The following TPX2 variants were observed in gnomAD, a reference collection of about 807,000 sequenced individuals.
TPX2 encodes the protein TPX2 microtubule nucleation factor, also known as targeting protein for Xklp2.
In TPX2, 21 loss-of-function variants were observed where a neutral mutation model predicts 93.6. The ratio of observed to expected loss-of-function variants is 0.22; its 90% CI spans 0.16 to 0.32. The LOEUF is 0.32. TPX2 is among the 10% of genes least tolerant of loss of function. The pLI is 1.00. For missense variants in TPX2, 776 were observed against 871.1 expected (o/e 0.89, Z 1.37); for synonymous variants, 281 against 298.3 (o/e 0.94, Z 0.60).
At chr20:31,782,114 TA>T in intron 10 of TPX2, 134 bp from the exon 11 acceptor site, 1 of 1,161,470 alleles carries the variant, frequency 8.6e-7, no homozygotes, top group Non-Finnish European at 1.2e-6. Context: ...TTGACCAATG[TA>T]AGCTGAGCTG....
At chr20:31,774,290 C>G (rs1285502221) in intron 7 of TPX2, among the ~76,000 whole-genome samples, 1 of 152,174 alleles carries the variant, frequency 6.6e-6, no homozygotes, top group Non-Finnish European at 1.5e-5. Context: ...CGTCATCTCC[C>G]CATTTCCCCC....
chr20:31,789,742 G>A (rs1363036775), intron 12 of TPX2, among the ~76,000 whole-genome samples: 1 of 152,114 alleles, frequency 6.6e-6, no homozygotes, highest in East Asian at 1.9e-4. Context: ...CTGCAAAGAT[G>A]ATTTTCATAA....
intron 8 of TPX2, among the ~76,000 whole-genome samples, chr20:31,776,981 G>A (rs768006055): frequency 3.3e-5 from 5 of 152,182 alleles, no homozygotes; most frequent in Non-Finnish European, 7.3e-5. Context: ...CAATTCACCT[G>A]TGGAGGAAAA....
At chr20:31,766,829 T>TTCG (rs2061930586) in intron 5 of TPX2, 147 bp downstream of exon 5, 5 of 910,028 alleles carry the variant, frequency 5.5e-6, no homozygotes, top group Non-Finnish European at 4.5e-6. Flanking sequence ...GACGGAGTGT[T>TTCG]TCGCTCTTTT....
chr20:31,741,472 C>T (rs147200718), intron 1 of TPX2, among the ~76,000 whole-genome samples: 12 of 140,574 alleles, frequency 8.5e-5, no homozygotes, highest in East Asian at 6.2e-4. Context: ...CCACCACACC[C>T]GGCTAATTTT....
chr20:31,797,384 A>G lies in TPX2; in HGVS notation c.1834-20A>G, dbSNP rs2062144977. On this transcript the variant is annotated intron_variant, in intron 15 of 17. Transcript: ENST00000300403. ...AGAAAGGTGAGACATTGCTCATCTG[A>G]CTGACTTTCTCTCTAATAGCTGGAA... The G allele has an allele frequency of 6.2e-7, 1 of 1,612,700 alleles. No individual in the cohort carries two copies. The highest frequency in any genetic ancestry group is 8.5e-7 in the Non-Finnish European group (1 of 1,178,940).
chr20:31,761,805 T>C (rs1034693532), intron 4 of TPX2, among the ~76,000 whole-genome samples: 2 of 152,192 alleles, frequency 1.3e-5, no homozygotes, highest in Non-Finnish European at 1.5e-5. Flanking sequence ...GGTAATTATA[T>C]TTTTAATTTT....
intron 2 of TPX2, among the ~76,000 whole-genome samples, chr20:31,749,695 T>C (rs2061806854): frequency 6.6e-6 from 1 of 151,726 alleles, no homozygotes; most frequent in South Asian, 2.1e-4. Flanking sequence ...CTCAGGAGGC[T>C]GAGGCAGGAG....
rs564684919 is a variant in TPX2 at position 31,795,480 on chromosome 20, A to G, written c.1833+932A>G. On this transcript the variant is annotated intron_variant, in intron 15 of 17. Transcript: ENST00000300403. ...CCATTCTTAGCTCAAGCGCTGTCCTAAAACAGGTTGCAAGCTGGATTTGGC... is the reference window on the plus strand; with the variant it reads ...CCATTCTTAGCTCAAGCGCTGTCCTGAAACAGGTTGCAAGCTGGATTTGGC... Among the ~76,000 whole-genome samples the G allele has an allele frequency of 2.6e-5, 4 of 152,384 alleles. No individual in the cohort carries two copies. The South Asian group carries it at 8.3e-4, about 32-fold the overall frequency.
At chr20:31,776,290 C>T (rs957756606) in intron 8 of TPX2, among the ~76,000 whole-genome samples, 1 of 151,460 alleles carries the variant, frequency 6.6e-6, no homozygotes, top group African/African-American at 2.4e-5. Context: ...CCTTGTTAGC[C>T]AGGATGGTCT....
chr20:31,801,078 T>C lies in TPX2; in HGVS notation c.2242T>C (p.Ter748GlnextTer4), dbSNP rs571448654. 1.2e-6 allele frequency: 2 copies of C among 1,613,978 alleles called. No homozygotes were observed. Among genetic ancestry groups the C allele is most frequent in the South Asian group, 1.1e-5 (1 of 91,084 alleles). ...SPKFSTRFHC[*>Q] ...CAAATTCTCCACTCGATTCCACTGC[T>C]AAACTCAGCTGTGAGCTGCGGATAC... The change falls in exon 18 of 18, where the codon TAA (stop) becomes CAA (glutamine). Residue 748 changes from the stop codon to glutamine (Q), a stop_lost. Coordinates refer to ENST00000300403, the MANE Select transcript of TPX2 (RefSeq NM_012112.5).
chr20:31,782,207 G>C (rs556712917), intron 10 of TPX2, 42 bp from the exon 11 acceptor site: 3 of 1,573,454 alleles, frequency 1.9e-6, no homozygotes, highest in East Asian at 2.3e-5. Flanking sequence ...AGTAAACTGG[G>C]TCTTGCGGAT....
chr20:31,774,319 A>C (rs1051252071), intron 7 of TPX2, among the ~76,000 whole-genome samples: 1 of 152,106 alleles, frequency 6.6e-6, no homozygotes, highest in African/African-American at 2.4e-5. Context: ...GCATCAAATT[A>C]TTTTAATTTT....
chr20:31,746,966 C>T (rs547821711), intron 2 of TPX2, among the ~76,000 whole-genome samples: 1 of 152,276 alleles, frequency 6.6e-6, no homozygotes, highest in East Asian at 1.9e-4. Flanking sequence ...GTATTTTTTA[C>T]ATCAGGAAAC....
chr20:31,769,959 G>A (rs1467819962), intron 5 of TPX2, among the ~76,000 whole-genome samples: 2 of 152,040 alleles, frequency 1.3e-5, no homozygotes, highest in East Asian at 1.9e-4. Context: ...CAGCACGTAG[G>A]GCTAATTTTT....
At chr20:31,796,473 A>G (rs1296497944) in intron 15 of TPX2, among the ~76,000 whole-genome samples, 1 of 152,240 alleles carries the variant, frequency 6.6e-6, no homozygotes, top group Non-Finnish European at 1.5e-5. Flanking sequence ...ATATCCATAT[A>G]TAGTCTACAT....
In TPX2 at chr20:31,752,836, A is replaced by G. The variant is rs560202294; in HGVS notation, c.-70-4571A>G. 2.0e-5 allele frequency among the ~76,000 whole-genome samples: 3 copies of G among 152,142 alleles called. No homozygotes were observed. The East Asian group carries it at 5.8e-4, about 29-fold the overall frequency. On this transcript the variant is annotated intron_variant, in intron 2 of 17. Coordinates refer to ENST00000300403, the MANE Select transcript of TPX2 (RefSeq NM_012112.5). ...TCACCATGTTAGCCAGGATGGTCTC[A>G]ATCTCCTCACCCTGTGATCCACCTG...
In TPX2 at chr20:31,766,574, A is replaced by G; in HGVS notation, c.248A>G (p.Lys83Arg). 6.2e-7 allele frequency: 1 copy of G among 1,612,860 alleles called. No individual in the cohort carries two copies. Among genetic ancestry groups the G allele is most frequent in the South Asian group, 1.1e-5 (1 of 90,964 alleles). ...PLKPVDNTYY[K>R]EAEKENLVEQ... ...TCCGCAGTTGACAACACTTACTACA[A>G]AGAGGCAGAAAAAGAAAATCTTGTG... Residue 83 changes from lysine to arginine, a missense_variant, in exon 5 of 18, where the codon AAA (lysine) becomes AGA (arginine). Lys to Arg is a conservative substitution (Grantham distance 26, BLOSUM62 2). Around this residue, in one of 3 missense-constraint regions of TPX2, gnomAD observed 279 missense variants for 261.6 expected, o/e 1.07. Coordinates refer to ENST00000300403, the MANE Select transcript of TPX2 (RefSeq NM_012112.5).
chr20:31,801,109 G>A lies in TPX2; in HGVS notation c.*29G>A, dbSNP rs1238101879. On this transcript the variant is annotated 3_prime_UTR_variant, in exon 18 of 18. Coordinates refer to ENST00000300403, the MANE Select transcript of TPX2 (RefSeq NM_012112.5). ...CAGCTGTGAGCTGCGGATACCGCCC[G>A]GCAATGGGACCTGCTCTTAACCTCA... The A allele has an allele frequency of 5.7e-6, 9 of 1,592,074 alleles. No homozygotes were observed. The highest frequency in any genetic ancestry group is 1.1e-5 in the South Asian group (1 of 90,612).
Sources: gnomAD v4.1 joint callset for allele counts (sites outside exome capture counted in the v4.1 genomes callset) on GRCh38, gnomAD v4.1.1 for gene constraint, gnomAD v4.1.1 regional missense constraint, MANE v1.5 for transcripts, NCBI Gene and HGNC (gene_info 2026-07-23, HGNC 2026-07-21) for gene names.